The following DGKI variants were observed in gnomAD, a reference collection of about 807,000 sequenced individuals.
DGKI encodes the protein DAG kinase iota.
A neutral mutation model predicts 147.5 loss-of-function variants in DGKI; 55 were observed. The observed-to-expected ratio is 0.37, with a 90% CI of 0.30 to 0.47. The LOEUF (loss-of-function observed/expected upper bound fraction) is 0.47. Ranked by LOEUF, DGKI falls within the 20% of genes least tolerant of loss-of-function variation. The probability of loss-of-function intolerance (pLI) is 1.00; values close to 1 mark genes in which losing one functional copy is unlikely to be tolerated. For synonymous variants in DGKI, 469 were observed against 477.1 expected (o/e 0.98, Z 0.22); for missense variants, 1,007 against 1,323.8 (o/e 0.76, Z 3.71).
intron 5 of DGKI, among the ~76,000 whole-genome samples, chr7:137,652,014 T>C (rs1414375204): frequency 1.3e-5 from 2 of 152,136 alleles, no homozygotes; most frequent in Admixed American, 1.3e-4. Context: ...GAAAGTGACA[T>C]ACCGAAAATA....
intron 1 of DGKI, among the ~76,000 whole-genome samples, chr7:137,800,337 A>G (rs10215013): frequency 0.031 from 4,790 of 152,102 alleles, 274 homozygotes; most frequent in African/African-American, 0.11. Context: ...GCCTGGTGGG[A>G]GGCGTTTGGG....
chr7:137,593,274 G>C (rs927739102), intron 12 of DGKI, among the ~76,000 whole-genome samples: 2 of 152,180 alleles, frequency 1.3e-5, no homozygotes, highest in African/African-American at 4.8e-5. Flanking sequence ...ACCATAATGA[G>C]AGTACGTGAG....
intron 1 of DGKI, among the ~76,000 whole-genome samples, chr7:137,716,056 G>C (rs1034057411): frequency 1.3e-5 from 2 of 152,186 alleles, no homozygotes; most frequent in Non-Finnish European, 2.9e-5. Flanking sequence ...CTGAGAGCAA[G>C]AGTTTGAAGC....
intron 1 of DGKI, among the ~76,000 whole-genome samples, chr7:137,706,760 G>T (rs2116540355): frequency 6.6e-6 from 1 of 151,980 alleles, no homozygotes; most frequent in Admixed American, 6.5e-5. Flanking sequence ...TTTTAGTAGA[G>T]ACGGGGTTTC....
intron 20 of DGKI, among the ~76,000 whole-genome samples, chr7:137,538,866 T>C (rs759632109): frequency 4.6e-5 from 7 of 152,110 alleles, no homozygotes; most frequent in Non-Finnish European, 1.0e-4. Flanking sequence ...TACTATCAAA[T>C]TGGTAGTAAA....
chr7:137,447,656 A>C (rs1308028760), intron 27 of DGKI, among the ~76,000 whole-genome samples: 1 of 152,252 alleles, frequency 6.6e-6, no homozygotes, highest in Non-Finnish European at 1.5e-5. Context: ...GAGTAACAAA[A>C]GCAAGGACTT....
chr7:137,391,391 T>C lies in DGKI; in HGVS notation c.3058-55A>G, dbSNP rs1585068982. On this transcript the variant is annotated intron_variant, in intron 32 of 32. Transcript: ENST00000614521. ...GAGAGAGAGAGATAGACACAAGCGC[T>C]AGTCGTGAAATACAAAAACAAAAAA... 19 of 1,229,242 alleles carry C rather than the reference T, an allele frequency of 1.5e-5. No individual in the cohort carries two copies. The South Asian group carries it at 2.6e-4, about 17-fold the overall frequency. The allele number at this position is 1,229,242 out of a possible 1,614,324, so 76.1% of individuals were successfully genotyped here. A position where few individuals can be genotyped will look rare whatever the true frequency, so the allele number is the denominator to read the frequency against.
chr7:137,836,537 T>C (rs1427591486), intron 1 of DGKI, among the ~76,000 whole-genome samples: 1 of 152,222 alleles, frequency 6.6e-6, no homozygotes. Context: ...CCCTAGCTTC[T>C]TCACTGGACC....
At chr7:137,696,685 G>A (rs1291130328) in intron 1 of DGKI, among the ~76,000 whole-genome samples, 4 of 151,178 alleles carry the variant, frequency 2.6e-5, no homozygotes, top group Non-Finnish European at 4.4e-5. Context: ...TTCTCCTTAT[G>A]GTATCACTTG....
At chr7:137,690,703 T>C (rs1823572916) in intron 1 of DGKI, among the ~76,000 whole-genome samples, 9 of 152,132 alleles carry the variant, frequency 5.9e-5, no homozygotes, top group Admixed American at 5.9e-4. Context: ...GGGTATGAAT[T>C]GGGAGAGGTT....
At chr7:137,600,224 G>C (rs1036378789) in intron 10 of DGKI, among the ~76,000 whole-genome samples, 1 of 152,162 alleles carries the variant, frequency 6.6e-6, no homozygotes, top group Non-Finnish European at 1.5e-5. Flanking sequence ...ACTCCAGCCT[G>C]AGTGACAGGA....
At chr7:137,822,604 T>C (rs1797938265) in intron 1 of DGKI, among the ~76,000 whole-genome samples, 1 of 152,090 alleles carries the variant, frequency 6.6e-6, no homozygotes, top group Non-Finnish European at 1.5e-5. Context: ...ATTCAGCCTT[T>C]TGGGGCCTCT....
intron 6 of DGKI, among the ~76,000 whole-genome samples, chr7:137,625,237 A>G (rs1006070704): frequency 1.1e-4 from 17 of 152,080 alleles, no homozygotes; most frequent in Non-Finnish European, 2.5e-4. Context: ...AGGCAGGCAG[A>G]TTGCCTGAGG....
chr7:137,624,473 T>C (rs1820862581), intron 6 of DGKI, among the ~76,000 whole-genome samples: 1 of 152,222 alleles, frequency 6.6e-6, no homozygotes, highest in South Asian at 2.1e-4. Flanking sequence ...TACAGATAAT[T>C]TTAAGTTGAA....
chr7:137,837,784 C>T (rs1292770926), intron 1 of DGKI, among the ~76,000 whole-genome samples: 1 of 152,082 alleles, frequency 6.6e-6, no homozygotes, highest in Non-Finnish European at 1.5e-5. Flanking sequence ...TAGAAGCCGC[C>T]CAGTCTATGG....
intron 23 of DGKI, among the ~76,000 whole-genome samples, chr7:137,475,669 G>A (rs1815145744): frequency 6.6e-6 from 1 of 152,186 alleles, no homozygotes; most frequent in Admixed American, 6.5e-5. Flanking sequence ...ACGAAGCATG[G>A]ACCATGTCGT....
At chr7:137,796,545 T>C (rs1021374742) in intron 1 of DGKI, among the ~76,000 whole-genome samples, 16 of 151,938 alleles carry the variant, frequency 1.1e-4, no homozygotes, top group African/African-American at 3.9e-4. Flanking sequence ...AAGTACATCT[T>C]GCCTAGAGAG....
At chr7:137,407,555 GA>G (rs1812003332) in intron 30 of DGKI, among the ~76,000 whole-genome samples, 1 of 151,814 alleles carries the variant, frequency 6.6e-6, no homozygotes, top group African/African-American at 2.4e-5. Flanking sequence ...AAGAGCTCTA[GA>G]AAAAAATAAA....
chr7:137,479,411 G>A (rs764036014), intron 23 of DGKI, among the ~76,000 whole-genome samples: 15 of 151,900 alleles, frequency 9.9e-5, no homozygotes, highest in Non-Finnish European at 5.9e-5. Flanking sequence ...ACACAAAACT[G>A]ACATTCCTCA....
Sources: allele counts gnomAD v4.1 joint callset (sites outside exome capture counted in the v4.1 genomes callset), GRCh38; gene constraint gnomAD v4.1.1; transcripts MANE v1.5; gene names NCBI Gene and HGNC (gene_info 2026-07-23, HGNC 2026-07-21).